VTI1A: variants seen among roughly 807,000 people sequenced by gnomAD.
The protein encoded by VTI1A is vesicle transport through interaction with t-SNAREs homolog 1A.
In VTI1A, 22 loss-of-function variants were observed where a neutral mutation model predicts 34.9. The ratio of observed to expected loss-of-function variants is 0.63; its 90% CI spans 0.45 to 0.90. VTI1A has a LOEUF of 0.90. VTI1A is among the 40% of genes least tolerant of loss of function. VTI1A has a pLI of 0.00. For missense variants in VTI1A, 268 were observed against 275.6 expected, an observed-to-expected ratio of 0.97 and a Z score of 0.20; for synonymous variants, 87 against 97.3, an observed-to-expected ratio of 0.89 and a Z score of 0.62.
chr10:112,610,850 C>T (rs534230833), intron 5 of VTI1A, among the ~76,000 whole-genome samples: 3 of 151,796 alleles, frequency 2.0e-5, no homozygotes, highest in South Asian at 2.1e-4. Flanking sequence ...ACCCGGGAGG[C>T]GGAGCTTGCA....
intron 5 of VTI1A, among the ~76,000 whole-genome samples, chr10:112,624,512 G>A (rs1845847498): frequency 6.6e-6 from 1 of 151,934 alleles, no homozygotes; most frequent in African/African-American, 2.4e-5. Flanking sequence ...TAGGATACCT[G>A]GGAAGGTTTT....
chr10:112,618,541 A>AGAGAGAGAGAGAGAGAGAGAGAGT (rs1473232674), intron 5 of VTI1A, among the ~76,000 whole-genome samples: 1 of 142,354 alleles, frequency 7.0e-6, no homozygotes, highest in East Asian at 2.2e-4. Context: ...AGAGAGAGAG[A>AGAGAGAGAGAGAGAGAGAGAGAGT]GAGAGAGTAA....
intron 5 of VTI1A, among the ~76,000 whole-genome samples, chr10:112,561,415 T>C (rs1851721801): frequency 6.6e-6 from 1 of 152,212 alleles, no homozygotes; most frequent in Admixed American, 6.5e-5. Flanking sequence ...TTCGCTGAAA[T>C]TTTGTAACAA....
At chr10:112,794,593 AATT>A (rs1201323413) in intron 7 of VTI1A, among the ~76,000 whole-genome samples, 1 of 152,052 alleles carries the variant, frequency 6.6e-6, no homozygotes, top group Admixed American at 6.6e-5. Context: ...AAAAAATTAA[AATT>A]ATGATCCCAA....
At chr10:112,478,179 T>C (rs1307145225) in intron 3 of VTI1A, among the ~76,000 whole-genome samples, 1 of 152,188 alleles carries the variant, frequency 6.6e-6, no homozygotes, top group Non-Finnish European at 1.5e-5. Context: ...TTTCTAATAT[T>C]GTGTGCAAGC....
chr10:112,611,473 A>G (rs1371707838), intron 5 of VTI1A, among the ~76,000 whole-genome samples: 1 of 152,194 alleles, frequency 6.6e-6, no homozygotes, highest in African/African-American at 2.4e-5. Context: ...TCACTTGTGT[A>G]AAATGTACTT....
intron 3 of VTI1A, among the ~76,000 whole-genome samples, chr10:112,505,323 C>G (rs1166457564): frequency 1.3e-5 from 2 of 151,980 alleles, no homozygotes; most frequent in Non-Finnish European, 2.9e-5. Context: ...GACTTGATTT[C>G]TATATTTTAA....
chr10:112,499,130 G>A (rs1228598283), intron 3 of VTI1A, among the ~76,000 whole-genome samples: 1 of 152,054 alleles, frequency 6.6e-6, no homozygotes, highest in African/African-American at 2.4e-5. Flanking sequence ...GTATATATAA[G>A]GAAAAATTAG....
chr10:112,743,118 A>G (rs541015859), intron 7 of VTI1A, among the ~76,000 whole-genome samples: 1 of 152,052 alleles, frequency 6.6e-6, no homozygotes, highest in East Asian at 1.9e-4. Context: ...ATACAAAGAT[A>G]ATACCATTTA....
the VTI1A span, among the ~76,000 whole-genome samples, chr10:112,844,144 C>T: frequency 1.3e-5 from 2 of 152,178 alleles, no homozygotes; most frequent in Non-Finnish European, 2.9e-5. Context: ...ATTAAAGGCT[C>T]AAGAACCTCT....
intron 5 of VTI1A, among the ~76,000 whole-genome samples, chr10:112,637,132 T>G (rs1415196275): frequency 1.2e-4 from 18 of 152,214 alleles, no homozygotes; most frequent in Admixed American, 1.2e-3. Context: ...TAACTTTTAT[T>G]TAGTTTTGTT....
At chr10:112,606,013 C>CT (rs1233665607) in intron 5 of VTI1A, among the ~76,000 whole-genome samples, 5 of 77,660 alleles carry the variant, frequency 6.4e-5, no homozygotes, top group Non-Finnish European at 1.1e-4. Context: ...TGCTAGTTTT[C>CT]TTTTTTTCTT....
At chr10:112,543,561 T>C (rs1233440671) in intron 5 of VTI1A, among the ~76,000 whole-genome samples, 2 of 152,264 alleles carry the variant, frequency 1.3e-5, no homozygotes, top group African/African-American at 4.8e-5. Context: ...TTAAGTTCTT[T>C]GTAGATTCTG....
In VTI1A at chr10:112,724,974, G is replaced by A. The variant is rs78128800; in HGVS notation, c.560+55976G>A. Among the ~76,000 whole-genome samples, 1,051 of 152,142 alleles carry A rather than the reference G, an allele frequency of 6.9e-3. 10 individuals are homozygous for A. The highest frequency in any genetic ancestry group is 0.024 in the African/African-American group (1,016 of 41,482). Reference sequence around the variant, plus strand: ...TTAGAGTGTTTTAAAGCAAATCCCAGATGTCTGATTTTACCTGTAAATATT... The same window carrying A: ...TTAGAGTGTTTTAAAGCAAATCCCAAATGTCTGATTTTACCTGTAAATATT... On this transcript the variant is annotated intron_variant, in intron 7 of 7. Coordinates refer to ENST00000393077, the MANE Select transcript of VTI1A (RefSeq NM_145206.4).
At chr10:112,589,851 C>T (rs1459653881) in intron 5 of VTI1A, among the ~76,000 whole-genome samples, 1 of 152,102 alleles carries the variant, frequency 6.6e-6, no homozygotes, top group African/African-American at 2.4e-5. Context: ...ACTGCATGCA[C>T]AAGAATTAAG....
At chr10:112,718,800 G>A (rs1207488843) in intron 7 of VTI1A, among the ~76,000 whole-genome samples, 1 of 152,190 alleles carries the variant, frequency 6.6e-6, no homozygotes, top group Non-Finnish European at 1.5e-5. Context: ...GGCATTGTTA[G>A]TACTAATAAT....
rs772004875 is a variant in VTI1A, at chr10:112,638,821, CT to C, written c.428-29384del. Among the ~76,000 whole-genome samples, 681 of 114,932 alleles carry C rather than the reference CT, an allele frequency of 5.9e-3. 9 individuals carry two copies. In the East Asian group the frequency reaches 0.061, roughly 10 times the overall value. 75.4% of individuals were successfully genotyped at this position (114,932 alleles called of 152,430 possible). A position where few individuals can be genotyped will look rare whatever the true frequency, so the allele number is the denominator to read the frequency against. On this transcript the variant is annotated intron_variant, in intron 5 of 7. Coordinates refer to ENST00000393077, the MANE Select transcript of VTI1A (RefSeq NM_145206.4). ...CTTAGTCCTAGCAAAACAGGTTGGG[CT>C]TTTTTTTTTTTTCATTTCTGTTTTT...
intron 5 of VTI1A, among the ~76,000 whole-genome samples, chr10:112,616,237 AC>A (rs1227210596): frequency 6.6e-6 from 1 of 152,184 alleles, no homozygotes; most frequent in Non-Finnish European, 1.5e-5. Flanking sequence ...AAATTTAACC[AC>A]CAGCACTGCA....
At chr10:112,702,732 C>T (rs1849054658) in intron 7 of VTI1A, among the ~76,000 whole-genome samples, 1 of 152,182 alleles carries the variant, frequency 6.6e-6, no homozygotes, top group Non-Finnish European at 1.5e-5. Context: ...ATTACAGGCA[C>T]ATGCCACCAC....
Sources: allele counts gnomAD v4.1 joint callset (sites outside exome capture counted in the v4.1 genomes callset), GRCh38; gene constraint gnomAD v4.1.1; transcripts MANE v1.5; gene names NCBI Gene and HGNC (gene_info 2026-07-23, HGNC 2026-07-21).